The following GSAP variants were observed in gnomAD, a reference collection of about 807,000 sequenced individuals.
The protein encoded by GSAP is gamma-secretase-activating protein.
GSAP carries 118 observed loss-of-function variants against 131.7 expected under a neutral mutation model. The ratio of observed to expected loss-of-function variants is 0.90; its 90% CI spans 0.77 to 1.04. GSAP has a LOEUF of 1.04. GSAP is among the 50% of genes least tolerant of loss of function. The pLI is 0.00. For missense variants in GSAP, 1,019 were observed against 1,013.2 expected (o/e 1.01, Z -0.08); for synonymous variants, 381 against 363.4 (o/e 1.05, Z -0.55).
intron 1 of GSAP, among the ~76,000 whole-genome samples, chr7:77,409,493 G>A (rs772466293): frequency 4.3e-4 from 65 of 152,152 alleles, no homozygotes; most frequent in Non-Finnish European, 5.4e-4. Flanking sequence ...CCTAGAAAAA[G>A]GTAAACAGAA....
intron 19 of GSAP, among the ~76,000 whole-genome samples, chr7:77,342,452 T>C (rs2091429): frequency 0.27 from 40,584 of 151,996 alleles, 6,285 homozygotes; most frequent in East Asian, 0.45. Context: ...AGTTCCCTTA[T>C]TAGGTCAAGA....
At chr7:77,386,551 C>G (rs924101856) in intron 6 of GSAP, among the ~76,000 whole-genome samples, 2 of 152,196 alleles carry the variant, frequency 1.3e-5, no homozygotes, top group Admixed American at 6.5e-5. Flanking sequence ...TCATGGCCAA[C>G]AGCATAGTAA....
intron 19 of GSAP, chr7:77,330,588 T>TG (rs908626009): frequency 8.0e-5 from 88 of 1,098,174 alleles, no homozygotes; most frequent in Middle Eastern, 3.9e-4. Context: ...TTTTTTTTTT[T>TG]TTTTTGTCGT....
At chr7:77,332,631 TAG>T (rs1186718725) in intron 19 of GSAP, among the ~76,000 whole-genome samples, 1 of 152,068 alleles carries the variant, frequency 6.6e-6, no homozygotes, top group Non-Finnish European at 1.5e-5. Context: ...TAAAATAGAC[TAG>T]AGTTAGAAGG....
rs1795912205 is a variant in GSAP, at chr7:77,370,204, T to A, written c.871+3866A>T. Among the ~76,000 whole-genome samples the A allele has an allele frequency of 2.6e-5, 4 of 152,240 alleles. No individual in the cohort carries two copies. The South Asian group carries it at 8.3e-4, about 32-fold the overall frequency. On this transcript the variant is annotated intron_variant, in intron 12 of 30. Transcript: ENST00000257626. ...CAGGCGCGGTGGCTCATGCCTGTAA[T>A]CCCAGCACTTTGGGAAGCCAAGATG...
At chr7:77,328,419 G>A (rs1043166525) in intron 22 of GSAP, 187 bp downstream of exon 22, 1 of 1,300,396 alleles carries the variant, frequency 7.7e-7, no homozygotes, top group East Asian at 3.0e-5. Flanking sequence ...TGTCCCCGGA[G>A]GTCCTGGTGC....
rs533755073 is a variant in GSAP, at chr7:77,377,237, T to TAAAAAAAAAAAAAA, written c.681+35_681+48dup. ...GTCTCTAAAAAAATTAATATTTTTG[T>TAAAAAAAAAAAAAA]AAAAAAAAAAAAAAAAAAAAAGGAG... On this transcript the variant is annotated intron_variant, in intron 9 of 30. Transcript: ENST00000257626. 3.0e-3 allele frequency: 2,665 copies of TAAAAAAAAAAAAAA among 892,740 alleles called. 111 individuals carry two copies. Among genetic ancestry groups the TAAAAAAAAAAAAAA allele is most frequent in the African/African-American group, 5.6e-3 (216 of 38,490 alleles). The allele number at this position is 892,740 out of a possible 1,614,324, so 55.3% of individuals were successfully genotyped here.
intron 12 of GSAP, among the ~76,000 whole-genome samples, chr7:77,363,793 T>TA (rs1328362720): frequency 6.6e-6 from 1 of 152,224 alleles, no homozygotes; most frequent in Non-Finnish European, 1.5e-5. Flanking sequence ...GTAACAATTC[T>TA]ATTAGATGTA....
At chr7:77,361,983 T>C (rs577800739) in intron 13 of GSAP, among the ~76,000 whole-genome samples, 3 of 152,180 alleles carry the variant, frequency 2.0e-5, no homozygotes, top group Non-Finnish European at 4.4e-5. Flanking sequence ...CAAATAGCGA[T>C]AACTAAAAAG....
In GSAP at chr7:77,377,400, CAAAAAAAA is replaced by C. The variant is rs56314229; in HGVS notation, c.577-18_577-11del. On this transcript the variant is annotated splice_polypyrimidine_tract_variant and intron_variant, in intron 8 of 30. Coordinates refer to ENST00000257626, the MANE Select transcript of GSAP (RefSeq NM_017439.4). Reference sequence around the variant, plus strand: ...CAGAATTTTTAATCACCTAAAAATGCAAAAAAAAAAAAAAAAAAAAAAGTATGAATAAC... The same window carrying C: ...CAGAATTTTTAATCACCTAAAAATGCAAAAAAAAAAAAAAGTATGAATAAC... 1,445 of 1,183,156 alleles carry C rather than the reference CAAAAAAAA, an allele frequency of 1.2e-3. No homozygotes were observed. Among genetic ancestry groups the C allele is most frequent in the South Asian group, 2.1e-3 (118 of 55,334 alleles). 73.3% of individuals were successfully genotyped at this position (1,183,156 alleles called of 1,614,324 possible).
intron 12 of GSAP, among the ~76,000 whole-genome samples, chr7:77,368,123 G>A (rs1046395037): frequency 8.5e-5 from 13 of 152,080 alleles, no homozygotes; most frequent in African/African-American, 3.1e-4. Flanking sequence ...TCCTGGAGTT[G>A]TACATTTACT....
intron 17 of GSAP, 148 bp from the exon 18 acceptor site, chr7:77,353,174 C>T (rs891919565): frequency 5.4e-5 from 32 of 597,632 alleles, no homozygotes; most frequent in Non-Finnish European, 9.6e-5. Context: ...ATGATTTTAT[C>T]TACTGACTAA....
At chr7:77,314,807 G>A (rs1794795739) in intron 26 of GSAP, 1 of 209,350 alleles carries the variant, frequency 4.8e-6, no homozygotes, top group Admixed American at 5.4e-5. Context: ...TAGCAAAAGA[G>A]TACAGAAGCA....
At chr7:77,415,826 A>G (rs1028237176) in intron 1 of GSAP, 30 of 193,650 alleles carry the variant, frequency 1.5e-4, no homozygotes, top group Non-Finnish European at 1.7e-4. Context: ...TGTCTTGGCA[A>G]AGCCCCTGCG....
At chr7:77,393,017 A>T (rs1215695164) in intron 5 of GSAP, among the ~76,000 whole-genome samples, 1 of 152,282 alleles carries the variant, frequency 6.6e-6, no homozygotes, top group East Asian at 1.9e-4. Flanking sequence ...TTCTCAGTAA[A>T]ATATTCACTC....
At chr7:77,374,659 AC>A (rs1796593352) in intron 11 of GSAP, among the ~76,000 whole-genome samples, 1 of 151,910 alleles carries the variant, frequency 6.6e-6, no homozygotes, top group East Asian at 1.9e-4. Context: ...AAAAAAAAAA[AC>A]CAATTAATTC....
chr7:77,416,069 CCT>C lies in GSAP; in HGVS notation c.109+142_109+143del, dbSNP rs1374806014. 4 of 503,480 alleles carry C rather than the reference CCT, an allele frequency of 7.9e-6. No individual in the cohort carries two copies. In the African/African-American group the frequency reaches 8.1e-5, roughly 10 times the overall value. 31.2% of individuals were successfully genotyped at this position (503,480 alleles called of 1,614,324 possible). A position where few individuals can be genotyped will look rare whatever the true frequency, so the allele number is the denominator to read the frequency against. On this transcript the variant is annotated intron_variant, in intron 1 of 30. Coordinates refer to ENST00000257626, the MANE Select transcript of GSAP (RefSeq NM_017439.4). ...GTGTGGGTGGCAAAGCCAAAACAGCCCTCTGAGGAGGGGAGCGACGCCCTCGC... is the reference window on the plus strand; with the variant it reads ...GTGTGGGTGGCAAAGCCAAAACAGCCCTGAGGAGGGGAGCGACGCCCTCGC...
At chr7:77,363,911 AAAT>A (rs1212943084) in intron 12 of GSAP, among the ~76,000 whole-genome samples, 9 of 152,168 alleles carry the variant, frequency 5.9e-5, no homozygotes, top group South Asian at 2.1e-4. Flanking sequence ...AGTATAAACA[AAAT>A]AATAATTATA....
intron 16 of GSAP, among the ~76,000 whole-genome samples, chr7:77,354,301 A>C (rs1201960270): frequency 6.6e-6 from 1 of 152,232 alleles, no homozygotes; most frequent in Non-Finnish European, 1.5e-5. Context: ...AGGTAATACG[A>C]TATTACTATC....
Sources: gnomAD v4.1 joint callset for allele counts (sites outside exome capture counted in the v4.1 genomes callset) on GRCh38, gnomAD v4.1.1 for gene constraint, MANE v1.5 for transcripts, NCBI Gene and HGNC (gene_info 2026-07-23, HGNC 2026-07-21) for gene names.